THSD7A: variants seen among roughly 807,000 people sequenced by gnomAD.
THSD7A encodes thrombospondin type-1 domain-containing protein 7A.
A neutral mutation model predicts 231.3 loss-of-function variants in THSD7A; 96 were observed. That is an observed-to-expected ratio of 0.41 (90% CI 0.35 to 0.49). THSD7A has a LOEUF of 0.49. Ranked by LOEUF, THSD7A falls within the 20% of genes least tolerant of loss-of-function variation. THSD7A has a pLI of 0.05. For missense variants in THSD7A, 2,290 were observed against 2,070.2 expected (o/e 1.11, Z -2.06); for synonymous variants, 940 against 743.3 (o/e 1.26, Z -4.30).
At chr7:11,754,696 T>G (rs1022944847) in intron 1 of THSD7A, among the ~76,000 whole-genome samples, 1 of 152,100 alleles carries the variant, frequency 6.6e-6, no homozygotes, top group African/African-American at 2.4e-5. Flanking sequence ...AACTTTCTAT[T>G]TCAATTGTAA....
chr7:11,618,474 AG>A (rs1781186915), intron 2 of THSD7A, among the ~76,000 whole-genome samples: 1 of 152,152 alleles, frequency 6.6e-6, no homozygotes, highest in African/African-American at 2.4e-5. Context: ...TTGGGGAATG[AG>A]GATGTGCTTG....
intron 1 of THSD7A, among the ~76,000 whole-genome samples, chr7:11,756,146 C>G (rs1424289729): frequency 6.6e-6 from 1 of 152,074 alleles, no homozygotes; most frequent in African/African-American, 2.4e-5. Flanking sequence ...TCCTTTTATA[C>G]TTTCTCTTTC....
chr7:11,826,229 GAGAGAAAATGCATA>G (rs1785023200), intron 1 of THSD7A, among the ~76,000 whole-genome samples: 1 of 152,144 alleles, frequency 6.6e-6, no homozygotes, highest in South Asian at 2.1e-4. Flanking sequence ...TATTCTCCTT[GAGAGAAAATGCATA>G]CCTGTAAATA....
At position 11,693,197 on chromosome 7, in the gene THSD7A, G is replaced by A. The variant is rs1433849474; in HGVS notation, c.191-56236C>T. Among the ~76,000 whole-genome samples, 3 of 151,460 alleles carry A rather than the reference G, an allele frequency of 2.0e-5. No individual in the cohort carries two copies. The East Asian group carries it at 5.9e-4, about 30-fold the overall frequency. On this transcript the variant is annotated intron_variant, in intron 1 of 27. Transcript: ENST00000423059. ...AGAATTGCATTTTGATTATATAGATGTATATTTAAATTTACCATGTAAGAA... is the reference window on the plus strand; with the variant it reads ...AGAATTGCATTTTGATTATATAGATATATATTTAAATTTACCATGTAAGAA...
intron 23 of THSD7A, among the ~76,000 whole-genome samples, chr7:11,395,246 G>C (rs893375086): frequency 6.6e-6 from 1 of 151,836 alleles, no homozygotes; most frequent in African/African-American, 2.4e-5. Flanking sequence ...ATATGGTAAA[G>C]GGATCAATGT....
chr7:11,412,614 G>A (rs780487156), intron 18 of THSD7A, 42 bp downstream of exon 18: 13 of 1,610,902 alleles, frequency 8.1e-6, no homozygotes, highest in Non-Finnish European at 1.1e-5. Context: ...GACAGACACA[G>A]GATTTGGACT....
At chr7:11,381,756 T>C (rs4720980) in intron 24 of THSD7A, among the ~76,000 whole-genome samples, 17,882 of 152,152 alleles carry the variant, frequency 0.12, 2,721 homozygotes, top group African/African-American at 0.35. Context: ...TTCTGACTTG[T>C]ATTTCTTTCT....
chr7:11,649,281 G>C (rs544289529), intron 1 of THSD7A, among the ~76,000 whole-genome samples: 49 of 152,074 alleles, frequency 3.2e-4, no homozygotes, highest in African/African-American at 1.2e-3. Flanking sequence ...TAATTCTTAA[G>C]AGGACTGCAG....
At chr7:11,825,458 T>A (rs1054443462) in intron 1 of THSD7A, among the ~76,000 whole-genome samples, 1 of 152,128 alleles carries the variant, frequency 6.6e-6, no homozygotes, top group Admixed American at 6.6e-5. Flanking sequence ...ACTGTATCAA[T>A]TCGTATTTTC....
chr7:11,467,683 T>C (rs535697072), intron 9 of THSD7A, among the ~76,000 whole-genome samples: 2 of 152,226 alleles, frequency 1.3e-5, no homozygotes, highest in African/African-American at 4.8e-5. Context: ...TTCTTCATAC[T>C]GTAAAAATCA....
At chr7:11,694,225 CT>C (rs1338692607) in intron 1 of THSD7A, among the ~76,000 whole-genome samples, 1 of 151,350 alleles carries the variant, frequency 6.6e-6, no homozygotes, top group Non-Finnish European at 1.5e-5. Context: ...AATGTTATTC[CT>C]TTGGAATGTC....
chr7:11,549,178 A>G (rs1397916876), intron 4 of THSD7A, among the ~76,000 whole-genome samples: 2 of 152,262 alleles, frequency 1.3e-5, no homozygotes, highest in Admixed American at 6.5e-5. Context: ...AACGCAAATT[A>G]AAACCACAAT....
chr7:11,808,837 A>T (rs187661388), intron 1 of THSD7A, among the ~76,000 whole-genome samples: 1 of 152,270 alleles, frequency 6.6e-6, no homozygotes, highest in African/African-American at 2.4e-5. Flanking sequence ...CAAAAAATAT[A>T]TACCTACAAG....
intron 1 of THSD7A, among the ~76,000 whole-genome samples, chr7:11,749,842 G>A (rs1782441450): frequency 6.6e-6 from 1 of 151,972 alleles, no homozygotes; most frequent in Non-Finnish European, 1.5e-5. Flanking sequence ...GCCTCTAGGT[G>A]AGACAAAATA....
chr7:11,700,307 T>C (rs1780546886), intron 1 of THSD7A, among the ~76,000 whole-genome samples: 1 of 151,216 alleles, frequency 6.6e-6, no homozygotes, highest in African/African-American at 2.4e-5. Flanking sequence ...AATAGTACAA[T>C]AACGTAGTTA....
intron 1 of THSD7A, among the ~76,000 whole-genome samples, chr7:11,667,888 T>A (rs6967861): frequency 0.63 from 96,159 of 152,060 alleles, 30,819 homozygotes; most frequent in African/African-American, 0.72. Context: ...AAAGCATATG[T>A]ATTAGCATAA....
At chr7:11,422,534 T>C (rs1784180032) in intron 16 of THSD7A, among the ~76,000 whole-genome samples, 1 of 150,922 alleles carries the variant, frequency 6.6e-6, no homozygotes, top group Admixed American at 6.6e-5. Flanking sequence ...AAAAAATAAA[T>C]TGATCTGAAA....
At chr7:11,695,425 A>G (rs1780357964) in intron 1 of THSD7A, among the ~76,000 whole-genome samples, 1 of 151,466 alleles carries the variant, frequency 6.6e-6, no homozygotes. Context: ...CTGGATCCTC[A>G]ATAGCCTACT....
intron 1 of THSD7A, among the ~76,000 whole-genome samples, chr7:11,674,550 C>G (rs2128380061): frequency 6.6e-6 from 1 of 152,240 alleles, no homozygotes; most frequent in Admixed American, 6.5e-5. Flanking sequence ...GTGAAACTCC[C>G]CAAAGGAGCC....
Sources: gnomAD v4.1 joint callset for allele counts (sites outside exome capture counted in the v4.1 genomes callset) on GRCh38, gnomAD v4.1.1 for gene constraint, MANE v1.5 for transcripts, NCBI Gene and HGNC (gene_info 2026-07-23, HGNC 2026-07-21) for gene names.